CNTNAP2: variants seen among roughly 807,000 people sequenced by gnomAD.
CNTNAP2 encodes contactin associated protein 2, also known as contactin-associated protein-like 2.
A neutral mutation model predicts 155.2 loss-of-function variants in CNTNAP2; 98 were observed. The ratio of observed to expected loss-of-function variants is 0.63; its 90% CI spans 0.54 to 0.75. The LOEUF (loss-of-function observed/expected upper bound fraction) is 0.75, where lower values mean the gene tolerates loss of function less well. Among genes scored for constraint, CNTNAP2 ranks in the 30% least tolerant of loss-of-function variants. The probability of loss-of-function intolerance (pLI) is 0.00; values close to 1 mark genes in which losing one functional copy is unlikely to be tolerated. For missense variants in CNTNAP2, 1,727 were observed against 1,688.1 expected, an observed-to-expected ratio of 1.02 and a Z score of -0.40; for synonymous variants, 651 against 631.2, an observed-to-expected ratio of 1.03 and a Z score of -0.47.
At chr7:146,637,712 T>A (rs952488357) in intron 1 of CNTNAP2, among the ~76,000 whole-genome samples, 1 of 152,200 alleles carries the variant, frequency 6.6e-6, no homozygotes, top group African/African-American at 2.4e-5. Flanking sequence ...AGAGTGCCTC[T>A]GAACTATGCA....
intron 13 of CNTNAP2, among the ~76,000 whole-genome samples, chr7:147,640,608 T>C (rs1795255650): frequency 6.6e-6 from 1 of 152,276 alleles, no homozygotes; most frequent in African/African-American, 2.4e-5. Flanking sequence ...AGAAGAGTTA[T>C]AAGCAAACAG....
intron 4 of CNTNAP2, among the ~76,000 whole-genome samples, chr7:147,067,525 T>C: frequency 1.3e-5 from 2 of 152,264 alleles, no homozygotes; most frequent in East Asian, 3.9e-4. Flanking sequence ...TTCTTTTTTA[T>C]GAGTATGCTA....
At chr7:146,388,752 C>G (rs1332871164) in intron 1 of CNTNAP2, among the ~76,000 whole-genome samples, 4 of 152,234 alleles carry the variant, frequency 2.6e-5, no homozygotes, top group Non-Finnish European at 5.9e-5. Context: ...AACTCCTCAC[C>G]AGCCCCCCAC....
At chr7:146,505,090 G>T (rs763107376) in intron 1 of CNTNAP2, among the ~76,000 whole-genome samples, 8 of 152,136 alleles carry the variant, frequency 5.3e-5, no homozygotes, top group Non-Finnish European at 8.8e-5. Context: ...GGGTTTTGTG[G>T]CATCCCCTAT....
chr7:146,741,753 T>C (rs981150406), intron 1 of CNTNAP2, among the ~76,000 whole-genome samples: 12 of 152,108 alleles, frequency 7.9e-5, no homozygotes, highest in Admixed American at 3.3e-4. Flanking sequence ...GATTTGAATA[T>C]TGCATGAGGC....
intron 13 of CNTNAP2, among the ~76,000 whole-genome samples, chr7:147,764,501 C>G (rs1438723041): frequency 1.3e-5 from 2 of 152,134 alleles, no homozygotes; most frequent in Non-Finnish European, 2.9e-5. Context: ...TGATATGGCT[C>G]CCTCCTATTT....
chr7:146,929,549 C>A (rs1796697212), intron 3 of CNTNAP2, among the ~76,000 whole-genome samples: 2 of 152,164 alleles, frequency 1.3e-5, no homozygotes, highest in Admixed American at 1.3e-4. Context: ...CCTCCAAAGG[C>A]ACGCAGTTCC....
intron 15 of CNTNAP2, among the ~76,000 whole-genome samples, chr7:148,022,089 T>C (rs1233020118): frequency 6.6e-6 from 1 of 152,082 alleles, no homozygotes; most frequent in African/African-American, 2.4e-5. Context: ...CCCTTCCCAT[T>C]TCCAAAGCCT....
chr7:147,853,096 C>T lies in CNTNAP2; in HGVS notation c.2099-50469C>T, dbSNP rs536662695. Reference sequence around the variant, plus strand: ...TGGCAGTAAGGCTGTGCTACTCCCACCTTTTCTTTCTATTCATTGTCTCCT... The same window carrying T: ...TGGCAGTAAGGCTGTGCTACTCCCATCTTTTCTTTCTATTCATTGTCTCCT... On this transcript the variant is annotated intron_variant, in intron 13 of 23. Coordinates refer to ENST00000361727, the MANE Select transcript of CNTNAP2 (RefSeq NM_014141.6). Among the ~76,000 whole-genome samples, 17 of 152,254 alleles carry T rather than the reference C, an allele frequency of 1.1e-4. No homozygotes were observed. In the South Asian group the frequency reaches 3.3e-3, roughly 30 times the overall value.
intron 3 of CNTNAP2, among the ~76,000 whole-genome samples, chr7:146,968,720 G>A (rs1305586437): frequency 2.0e-5 from 3 of 151,554 alleles, no homozygotes; most frequent in Non-Finnish European, 4.4e-5. Flanking sequence ...TATTAGTCTT[G>A]CTAGCAGTCT....
intron 4 of CNTNAP2, among the ~76,000 whole-genome samples, chr7:147,092,989 G>A (rs1249634623): frequency 2.6e-5 from 4 of 152,056 alleles, no homozygotes; most frequent in Admixed American, 1.3e-4. Flanking sequence ...TTGGGAGGCC[G>A]AGGCAGGCGG....
At chr7:147,367,165 T>C (rs1796246731) in intron 9 of CNTNAP2, among the ~76,000 whole-genome samples, 1 of 152,324 alleles carries the variant, frequency 6.6e-6, no homozygotes, top group Non-Finnish European at 1.5e-5. Context: ...TTTTAATTAG[T>C]TTTTCTTAAA....
At chr7:146,954,089 A>G (rs958218827) in intron 3 of CNTNAP2, among the ~76,000 whole-genome samples, 1 of 151,940 alleles carries the variant, frequency 6.6e-6, no homozygotes, top group Non-Finnish European at 1.5e-5. Context: ...ATTACTCCAT[A>G]TAGGAAGAGG....
At chr7:148,009,737 A>G (rs748842178) in intron 15 of CNTNAP2, among the ~76,000 whole-genome samples, 4 of 149,282 alleles carry the variant, frequency 2.7e-5, no homozygotes, top group Admixed American at 1.3e-4. Flanking sequence ...TTACATTCAA[A>G]CAATGTTTCT....
At chr7:148,020,090 G>T (rs570652567) in intron 15 of CNTNAP2, among the ~76,000 whole-genome samples, 1 of 152,284 alleles carries the variant, frequency 6.6e-6, no homozygotes, top group East Asian at 1.9e-4. Flanking sequence ...CCTGGCCAGA[G>T]TATTATTTAA....
chr7:146,922,384 A>G (rs1796520085), intron 3 of CNTNAP2, among the ~76,000 whole-genome samples: 1 of 152,076 alleles, frequency 6.6e-6, no homozygotes, highest in Non-Finnish European at 1.5e-5. Flanking sequence ...CTTTCCAGTT[A>G]ATTGACTTTT....
chr7:147,974,265 C>G (rs2116859143), intron 14 of CNTNAP2, among the ~76,000 whole-genome samples: 2 of 152,262 alleles, frequency 1.3e-5, no homozygotes, highest in South Asian at 4.1e-4. Flanking sequence ...AATGCTTTCT[C>G]CTAGCACTAG....
chr7:146,994,821 ATACAT>A (rs1281725672), intron 3 of CNTNAP2, among the ~76,000 whole-genome samples: 1 of 152,100 alleles, frequency 6.6e-6, no homozygotes, highest in Non-Finnish European at 1.5e-5. Flanking sequence ...TGGTGAACAA[ATACAT>A]TACTTCACAG....
intron 1 of CNTNAP2, among the ~76,000 whole-genome samples, chr7:146,473,416 CT>C (rs1796828632): frequency 6.6e-6 from 1 of 151,906 alleles, no homozygotes; most frequent in Non-Finnish European, 1.5e-5. Flanking sequence ...TTCCTTTCTT[CT>C]TTTCCTATTT....
Sources: gnomAD v4.1 joint callset for allele counts (sites outside exome capture counted in the v4.1 genomes callset) on GRCh38, gnomAD v4.1.1 for gene constraint, MANE v1.5 for transcripts, NCBI Gene and HGNC (gene_info 2026-07-23, HGNC 2026-07-21) for gene names.